ITSN1: variants seen among roughly 807,000 people sequenced by gnomAD.
ITSN1 encodes intersectin 1.
In ITSN1, 58 loss-of-function variants were observed where a neutral mutation model predicts 239.8. The observed-to-expected ratio is 0.24, with a 90% confidence interval of 0.20 to 0.30. ITSN1 has a LOEUF of 0.30. Among genes scored for constraint, ITSN1 ranks in the 10% least tolerant of loss-of-function variants. The pLI, the probability that ITSN1 is intolerant of heterozygous loss-of-function variation, is 1.00. For missense variants in ITSN1, 1,558 were observed against 2,103.3 expected (o/e 0.74, Z 5.07); for synonymous variants, 780 against 770.8 (o/e 1.01, Z -0.20).
chr21:33,688,052 T>G (rs1398853949), intron 1 of ITSN1, among the ~76,000 whole-genome samples: 1 of 152,056 alleles, frequency 6.6e-6, no homozygotes, highest in Non-Finnish European at 1.5e-5. Context: ...TGATATAAAG[T>G]TTTCAAAAAA....
chr21:33,735,481 GTT>G (rs774042488), intron 5 of ITSN1: 1,053 of 259,282 alleles, frequency 4.1e-3, no homozygotes, highest in Middle Eastern at 7.4e-3. Context: ...CAGCTTCTGG[GTT>G]TTTTTTTTTT....
intron 1 of ITSN1, among the ~76,000 whole-genome samples, chr21:33,710,301 A>T (rs973159853): frequency 1.3e-5 from 2 of 151,082 alleles, no homozygotes; most frequent in Admixed American, 1.3e-4. Flanking sequence ...GATGGTCTCG[A>T]CCTCCTGACC....
At chr21:33,759,887 G>A (rs2068171640) in intron 8 of ITSN1, among the ~76,000 whole-genome samples, 1 of 152,220 alleles carries the variant, frequency 6.6e-6, no homozygotes, top group East Asian at 1.9e-4. Flanking sequence ...ATCACGTGAG[G>A]TCAGGAGTTC....
chr21:33,698,735 C>CCT (rs2091896969), intron 1 of ITSN1, among the ~76,000 whole-genome samples: 1 of 152,170 alleles, frequency 6.6e-6, no homozygotes, highest in African/African-American at 2.4e-5. Flanking sequence ...GCTTTGTGTA[C>CCT]CTCTTGCCTT....
intron 25 of ITSN1, 137 bp from the exon 26 acceptor site, chr21:33,826,681 G>A: frequency 1.5e-6 from 1 of 687,984 alleles, no homozygotes. Context: ...CTTGTGTCAG[G>A]TGATACAGTG....
At chr21:33,887,800 G>A (rs758491314) in intron 39 of ITSN1, among the ~76,000 whole-genome samples, 3 of 151,826 alleles carry the variant, frequency 2.0e-5, no homozygotes, top group African/African-American at 7.3e-5. Flanking sequence ...TAGAGACAGG[G>A]TCTCACTCTA....
chr21:33,794,229 C>A (rs1569192066), intron 16 of ITSN1, 112 bp from the exon 17 acceptor site: 1 of 769,090 alleles, frequency 1.3e-6, no homozygotes, highest in Non-Finnish European at 2.1e-6. Context: ...AACTCTGAAA[C>A]GTTATCTCCT....
chr21:33,877,648 G>T (rs146370595), intron 34 of ITSN1, among the ~76,000 whole-genome samples: 21 of 151,906 alleles, frequency 1.4e-4, no homozygotes, highest in African/African-American at 4.8e-4. Context: ...GACCCCTCAC[G>T]TTGGCTCTGG....
chr21:33,782,791 C>T (rs564991011), intron 16 of ITSN1, among the ~76,000 whole-genome samples: 23 of 151,884 alleles, frequency 1.5e-4, no homozygotes, highest in Non-Finnish European at 2.1e-4. Context: ...TTTGGGAGGC[C>T]GAGGCAGGCG....
At chr21:33,650,996 A>G (rs1311681494) in intron 1 of ITSN1, among the ~76,000 whole-genome samples, 1 of 151,716 alleles carries the variant, frequency 6.6e-6, no homozygotes, top group Non-Finnish European at 1.5e-5. Flanking sequence ...CGGGGTTACC[A>G]GGATGTTAGC....
At chr21:33,756,965 C>G (rs1031231042) in intron 8 of ITSN1, 22 of 152,064 alleles carry the variant, frequency 1.4e-4, no homozygotes, top group African/African-American at 5.3e-4. Context: ...AGGGTTTCAC[C>G]ATGTTGCTCA....
intron 22 of ITSN1, among the ~76,000 whole-genome samples, chr21:33,816,629 C>T (rs1008266425): frequency 2.6e-5 from 4 of 152,154 alleles, no homozygotes; most frequent in African/African-American, 9.7e-5. Context: ...GAAGATTTCT[C>T]AGGGGGAGAG....
intron 25 of ITSN1, among the ~76,000 whole-genome samples, chr21:33,824,887 G>A (rs551386146): frequency 1.1e-4 from 17 of 152,288 alleles, no homozygotes; most frequent in Admixed American, 3.3e-4. Context: ...GCAGAAGCCC[G>A]GAAGAAAGTA....
chr21:33,741,289 T>C (rs1281517163), intron 5 of ITSN1, among the ~76,000 whole-genome samples: 1 of 152,160 alleles, frequency 6.6e-6, no homozygotes, highest in African/African-American at 2.4e-5. Context: ...TGGAGTATAA[T>C]TCAGTATAGT....
intron 29 of ITSN1, among the ~76,000 whole-genome samples, chr21:33,844,721 C>G (rs2074933918): frequency 6.6e-6 from 1 of 152,000 alleles, no homozygotes; most frequent in Non-Finnish European, 1.5e-5. Context: ...AGCCTGCAGT[C>G]CGCCCCAGCA....
chr21:33,785,825 G>A (rs1032493720), intron 16 of ITSN1, among the ~76,000 whole-genome samples: 7 of 151,938 alleles, frequency 4.6e-5, no homozygotes, highest in Non-Finnish European at 7.4e-5. Flanking sequence ...TTTTCCATGC[G>A]TTTTAATAGA....
intron 1 of ITSN1, among the ~76,000 whole-genome samples, chr21:33,706,274 C>T (rs2092244542): frequency 6.6e-6 from 1 of 152,174 alleles, no homozygotes; most frequent in South Asian, 2.1e-4. Flanking sequence ...CCACCTCAGC[C>T]TCCCAAAGTG....
At chr21:33,701,628 G>GT (rs1318885697) in intron 1 of ITSN1, among the ~76,000 whole-genome samples, 1 of 147,988 alleles carries the variant, frequency 6.8e-6, no homozygotes, top group African/African-American at 2.5e-5. Context: ...CCCTGTGTCT[G>GT]TTAAAAAAAA....
chr21:33,839,352 G>A, intron 29 of ITSN1, among the ~76,000 whole-genome samples: 1 of 152,306 alleles, frequency 6.6e-6, no homozygotes, highest in South Asian at 2.1e-4. Context: ...GTGGCTGCAG[G>A]GCAAGGATCA....
Sources: allele counts gnomAD v4.1 joint callset (sites outside exome capture counted in the v4.1 genomes callset), GRCh38; gene constraint gnomAD v4.1.1; transcripts MANE v1.5; gene names NCBI Gene and HGNC (gene_info 2026-07-23, HGNC 2026-07-21).